The following TUBA1C variants were observed in gnomAD, a reference collection of about 807,000 sequenced individuals.
TUBA1C encodes tubulin alpha 1c.
A neutral mutation model predicts 34.9 loss-of-function variants in TUBA1C; 16 were observed. The ratio of observed to expected loss-of-function variants is 0.46; its 90% CI spans 0.31 to 0.70. The LOEUF (loss-of-function observed/expected upper bound fraction) is 0.70, where lower values mean the gene tolerates loss of function less well. Among genes scored for constraint, TUBA1C ranks in the 30% least tolerant of loss-of-function variants. The pLI is 0.05. For missense variants in TUBA1C, 329 were observed against 587.3 expected, an observed-to-expected ratio of 0.56 and a Z score of 4.55; for synonymous variants, 177 against 215.9, an observed-to-expected ratio of 0.82 and a Z score of 1.58.
chr12:49,269,352 T>A, intron 1 of TUBA1C, 113 bp from the exon 2 acceptor site: 7 of 1,517,636 alleles, frequency 4.6e-6, no homozygotes, highest in Non-Finnish European at 6.2e-6. Context: ...TGTGAGTCAC[T>A]GCGCCCAGCC....
chr12:49,246,606 C>T (rs1013654519), intron 1 of TUBA1C, among the ~76,000 whole-genome samples: 5 of 150,866 alleles, frequency 3.3e-5, no homozygotes, highest in South Asian at 4.2e-4. Flanking sequence ...ACCCGGGAGG[C>T]GGAGCTTGCA....
At chr12:49,228,927 G>C (rs572516358) in intron 1 of TUBA1C, among the ~76,000 whole-genome samples, 27 of 152,332 alleles carry the variant, frequency 1.8e-4, no homozygotes, top group Admixed American at 1.3e-3. Context: ...ACCAGCCCAA[G>C]GTTACAGAGA....
In TUBA1C at chr12:49,274,360, C is replaced by T. The variant is rs1943034542; in HGVS notation, c.*1133C>T. On this transcript the variant is annotated 3_prime_UTR_variant, in exon 4 of 4. Coordinates refer to ENST00000301072, the MANE Select transcript of TUBA1C (RefSeq NM_032704.5). Reference sequence around the variant, plus strand: ...ATGTTGCTTAGGCTGGCCTTGAACTCCTGGGCTCAGGCAATCCTGCCTCAG... The same window carrying T: ...ATGTTGCTTAGGCTGGCCTTGAACTTCTGGGCTCAGGCAATCCTGCCTCAG... 1 of 131,888 alleles carries T rather than the reference C, an allele frequency of 7.6e-6. No homozygotes were observed. Among genetic ancestry groups the T allele is most frequent in the South Asian group, 2.7e-4 (1 of 3,742 alleles). The allele number at this position is 131,888 out of a possible 1,614,324, so 8.2% of individuals were successfully genotyped here.
intron 1 of TUBA1C, among the ~76,000 whole-genome samples, chr12:49,267,881 T>C (rs1423694044): frequency 1.3e-5 from 2 of 152,228 alleles, no homozygotes; most frequent in Admixed American, 1.3e-4. Flanking sequence ...AACTTAGTGC[T>C]CTGCCAGTCT....
upstream of TUBA1C, among the ~76,000 whole-genome samples, chr12:49,263,224 G>A (rs1942858965): frequency 6.6e-6 from 1 of 151,922 alleles, no homozygotes; most frequent in African/African-American, 2.4e-5. Flanking sequence ...GTTTCACCGT[G>A]TTAGCCAGGC....
At chr12:49,230,960 G>A (rs1257714782) in intron 1 of TUBA1C, among the ~76,000 whole-genome samples, 3 of 152,192 alleles carry the variant, frequency 2.0e-5, no homozygotes, top group Non-Finnish European at 4.4e-5. Flanking sequence ...AGATATAAAT[G>A]AGATAATGTA....
At chr12:49,260,954 G>A (rs1188018702), upstream of TUBA1C, among the ~76,000 whole-genome samples, 2 of 152,028 alleles carry the variant, frequency 1.3e-5, no homozygotes, top group African/African-American at 2.4e-5. Context: ...GGCTGGTCTC[G>A]AACTCCTGGA....
chr12:49,231,204 G>A (rs180843804), intron 1 of TUBA1C, among the ~76,000 whole-genome samples: 1 of 152,188 alleles, frequency 6.6e-6, no homozygotes, highest in East Asian at 1.9e-4. Flanking sequence ...TCATTCTATT[G>A]CCCAGGCTGT....
intron 1 of TUBA1C, among the ~76,000 whole-genome samples, chr12:49,246,260 C>T (rs965554763): frequency 6.9e-5 from 10 of 145,884 alleles, no homozygotes; most frequent in African/African-American, 2.0e-4. Context: ...AGATTACAGG[C>T]GTGAGCCACT....
rs1296333747 is a variant in TUBA1C at position 49,272,849 on chromosome 12, T to G, written c.972T>G (p.Val324=). The change falls in exon 4 of 4, where the codon GTT becomes GTG. Residue 324 remains valine, a synonymous_variant. Transcript: ENST00000301072. ...GCCTGTTATACCGTGGTGACGTGGTTCCCAAAGATGTCAATGCTGCCATTG... is the reference window on the plus strand; with the variant it reads ...GCCTGTTATACCGTGGTGACGTGGTGCCCAAAGATGTCAATGCTGCCATTG... ...ACCLLYRGDV[V]PKDVNAAIAT... 2 of 1,614,132 alleles carry G rather than the reference T, an allele frequency of 1.2e-6. No homozygotes were observed. The highest frequency in any genetic ancestry group is 1.7e-5 in the Admixed American group (1 of 60,008).
rs11542122 is a variant in TUBA1C, at chr12:49,269,845, A to G, written c.244A>G (p.Thr82Ala). 1 of 1,613,748 alleles carries G rather than the reference A, an allele frequency of 6.2e-7. No homozygotes were observed. Among genetic ancestry groups the G allele is most frequent in the African/African-American group, 1.3e-5 (1 of 74,832 alleles). Residue 82 changes from threonine (T) to alanine (A), a missense_variant, in exon 3 of 4, where the codon ACT becomes GCT. Physicochemically the swap from Thr to Ala is moderately conservative, Grantham distance 58. This residue lies in a region of TUBA1C where 152 missense variants were observed against 240.3 expected (regional missense o/e 0.63). Transcript: ENST00000301072. Reference sequence around the variant, plus strand: ...TTCTCCAGATGAAGTTCGCACTGGCACTTACCGCCAGCTCTTCCACCCTGA... The same window carrying G: ...TTCTCCAGATGAAGTTCGCACTGGCGCTTACCGCCAGCTCTTCCACCCTGA... Reference protein sequence around the residue: ...PTVIDEVRTGTYRQLFHPEQL... With the variant: ...PTVIDEVRTGAYRQLFHPEQL...
At chr12:49,255,636 G>A (rs981643096) in intron 1 of TUBA1C, among the ~76,000 whole-genome samples, 7 of 152,012 alleles carry the variant, frequency 4.6e-5, no homozygotes, top group African/African-American at 9.7e-5. Context: ...TCAGCTCACT[G>A]CAACCTCCAC....
At chr12:49,246,987 A>C (rs1157063388) in intron 1 of TUBA1C, among the ~76,000 whole-genome samples, 3 of 150,922 alleles carry the variant, frequency 2.0e-5, no homozygotes, top group Non-Finnish European at 3.0e-5. Context: ...TAAAAATACA[A>C]AAATTAGCCA....
chr12:49,239,242 T>C (rs1942587709), intron 1 of TUBA1C, among the ~76,000 whole-genome samples: 2 of 152,202 alleles, frequency 1.3e-5, no homozygotes, highest in African/African-American at 4.8e-5. Context: ...ACAAAAGATA[T>C]TGCTCTAGTC....
chr12:49,266,658 GGGCAACAC>G (rs1456626531), intron 1 of TUBA1C, among the ~76,000 whole-genome samples: 2 of 152,050 alleles, frequency 1.3e-5, no homozygotes, highest in Non-Finnish European at 2.9e-5. Context: ...AGACCAGCCT[GGGCAACAC>G]GGTGAAACTC....
At chr12:49,270,228 T>C (rs1382134021) in intron 3 of TUBA1C, 6 of 662,746 alleles carry the variant, frequency 9.1e-6, no homozygotes, top group East Asian at 8.8e-5. Context: ...ATCTTAGTCA[T>C]ACTGAGTGAG....
intron 1 of TUBA1C, among the ~76,000 whole-genome samples, chr12:49,245,535 G>A (rs932816769): frequency 6.6e-6 from 1 of 152,204 alleles, no homozygotes; most frequent in African/African-American, 2.4e-5. Flanking sequence ...CTTGAGGCTA[G>A]GAATTTGAAG....
chr12:49,265,011 C>A, upstream of TUBA1C: 3 of 1,023,630 alleles, frequency 2.9e-6, no homozygotes, highest in Non-Finnish European at 3.8e-6. Flanking sequence ...GGGGCGGGGT[C>A]TGGGGCCCGC....
At chr12:49,237,408 C>A (rs1391956410) in intron 1 of TUBA1C, among the ~76,000 whole-genome samples, 1 of 148,964 alleles carries the variant, frequency 6.7e-6, no homozygotes, top group Non-Finnish European at 1.5e-5. Context: ...ATGAGTGAAA[C>A]TCCGTCTCAA....
Sources: allele counts gnomAD v4.1 joint callset (sites outside exome capture counted in the v4.1 genomes callset), GRCh38; gene constraint gnomAD v4.1.1; regional missense constraint gnomAD v4.1.1; transcripts MANE v1.5; gene names NCBI Gene and HGNC (gene_info 2026-07-23, HGNC 2026-07-21).